Variants in PARD3 observed in about 807,000 individuals in gnomAD.
PARD3 encodes par-3 family cell polarity regulator.
PARD3 carries 75 observed loss-of-function variants against 155.4 expected under a neutral mutation model. The ratio of observed to expected loss-of-function variants is 0.48; its 90% CI spans 0.40 to 0.58. The LOEUF is 0.58. Ranked by LOEUF, PARD3 falls within the 20% of genes least tolerant of loss-of-function variation. PARD3 has a pLI of 0.00. For synonymous variants in PARD3, 576 were observed against 610.5 expected (o/e 0.94, Z 0.83); for missense variants, 1,642 against 1,721.7 (o/e 0.95, Z 0.82).
chr10:34,669,955 A>T (rs1393668673), intron 2 of PARD3, among the ~76,000 whole-genome samples: 1 of 152,226 alleles, frequency 6.6e-6, no homozygotes, highest in Non-Finnish European at 1.5e-5. Context: ...TGTCTAAAAG[A>T]TTTATAGTGA....
At chr10:34,341,920 C>A in intron 15 of PARD3, 104 bp from the exon 16 acceptor site, 1 of 654,460 alleles carries the variant, frequency 1.5e-6, no homozygotes, top group Non-Finnish European at 2.6e-6. Flanking sequence ...TAATTTTCCA[C>A]ATATCTGCTC....
chr10:34,487,654 T>TA (rs1253314440), intron 3 of PARD3, among the ~76,000 whole-genome samples: 258 of 151,540 alleles, frequency 1.7e-3, no homozygotes, highest in African/African-American at 5.6e-3. Flanking sequence ...TTTTTTTTTT[T>TA]AACTATTAAT....
At chr10:34,709,622 G>A (rs1273262526) in intron 1 of PARD3, among the ~76,000 whole-genome samples, 1 of 152,024 alleles carries the variant, frequency 6.6e-6, no homozygotes, top group East Asian at 1.9e-4. Flanking sequence ...GAGGGGATAA[G>A]GGGAGGTAGC....
chr10:34,699,434 C>T (rs916845914), intron 1 of PARD3, among the ~76,000 whole-genome samples: 6 of 152,150 alleles, frequency 3.9e-5, no homozygotes, highest in Non-Finnish European at 7.3e-5. Context: ...AAATACAACT[C>T]CGTAGAACAG....
intron 4 of PARD3, among the ~76,000 whole-genome samples, chr10:34,459,263 T>A (rs1263955400): frequency 2.0e-5 from 3 of 152,000 alleles, no homozygotes; most frequent in Non-Finnish European, 4.4e-5. Context: ...GCATCCCGGG[T>A]TCACGCCATC....
At position 34,315,530 on chromosome 10, in the gene PARD3, G is replaced by C. The variant is rs948931066; in HGVS notation, c.3065+1577C>G. The stretch of plus-strand genomic sequence containing the variant: ...GAGAGAGTGGGCTACAAGTCTCAGG[G>C]GAAGGTTTCTCCCATCTCTAACCCT... On this transcript the variant is annotated intron_variant, in intron 20 of 24. Transcript: ENST00000374788. Among the ~76,000 whole-genome samples, 207 of 152,122 alleles carry C rather than the reference G, an allele frequency of 1.4e-3. 3 individuals are homozygous for C. Among genetic ancestry groups the C allele is most frequent in the Non-Finnish European group, 3.5e-4 (24 of 68,032 alleles).
intron 5 of PARD3, among the ~76,000 whole-genome samples, chr10:34,415,787 A>G (rs564594591): frequency 1.5e-4 from 23 of 152,316 alleles, no homozygotes; most frequent in Admixed American, 1.4e-3. Context: ...AGTGGTCCTG[A>G]ACATAGAATT....
chr10:34,157,494 C>T (rs1216735370), intron 22 of PARD3, among the ~76,000 whole-genome samples: 1 of 152,166 alleles, frequency 6.6e-6, no homozygotes. Context: ...GCACCTTTTT[C>T]TCCATTTTTT....
chr10:34,689,737 TTAC>T (rs1022721014), intron 2 of PARD3, among the ~76,000 whole-genome samples: 25 of 152,322 alleles, frequency 1.6e-4, no homozygotes, highest in African/African-American at 5.8e-4. Flanking sequence ...AAAACGTCGT[TTAC>T]TAAGAATTGT....
intron 3 of PARD3, among the ~76,000 whole-genome samples, chr10:34,473,550 A>T (rs1052700427): frequency 2.6e-5 from 4 of 152,100 alleles, no homozygotes; most frequent in African/African-American, 9.7e-5. Context: ...AAAAATAGAC[A>T]ACTGTGGTAG....
intron 5 of PARD3, among the ~76,000 whole-genome samples, chr10:34,433,398 T>G (rs1246887312): frequency 6.6e-6 from 1 of 152,360 alleles, no homozygotes; most frequent in African/African-American, 2.4e-5. Context: ...CATTATTTTA[T>G]TTGAATCAAG....
intron 15 of PARD3, chr10:34,344,258 T>G (rs1837141058): frequency 8.2e-6 from 8 of 976,154 alleles, no homozygotes; most frequent in East Asian, 1.1e-4. Flanking sequence ...TTGCTGGTTT[T>G]TTTGTTTGTT....
intron 22 of PARD3, among the ~76,000 whole-genome samples, chr10:34,248,193 T>A (rs371762958): frequency 7.2e-5 from 11 of 152,312 alleles, no homozygotes; most frequent in Non-Finnish European, 1.3e-4. Context: ...CTTTCATGGT[T>A]CACTGGCAGA....
chr10:34,617,259 A>AAAAT (rs1240102437), intron 2 of PARD3, among the ~76,000 whole-genome samples: 3 of 152,004 alleles, frequency 2.0e-5, no homozygotes, highest in Admixed American at 6.6e-5. Flanking sequence ...TCTGTCTCAA[A>AAAAT]AAATAAATAA....
intron 2 of PARD3, among the ~76,000 whole-genome samples, chr10:34,641,160 T>C (rs1215636361): frequency 6.6e-6 from 1 of 152,190 alleles, no homozygotes; most frequent in East Asian, 1.9e-4. Flanking sequence ...TACAGCTTTC[T>C]ATGATGTGAC....
chr10:34,396,966 C>G (rs1452544166), intron 7 of PARD3, among the ~76,000 whole-genome samples: 3 of 152,160 alleles, frequency 2.0e-5, no homozygotes, highest in Non-Finnish European at 4.4e-5. Flanking sequence ...CACAGAGCAC[C>G]TATTATATAA....
At chr10:34,190,187 G>A (rs1950646282) in intron 22 of PARD3, among the ~76,000 whole-genome samples, 1 of 152,192 alleles carries the variant, frequency 6.6e-6, no homozygotes, top group Non-Finnish European at 1.5e-5. Flanking sequence ...ACTACCACTT[G>A]TCAAGTTTTG....
In PARD3 at chr10:34,416,086, C is replaced by T. The variant is rs546435430; in HGVS notation, c.715-14169G>A. ...ATCTCCTGTCTGTGCTATCAATCCA[C>T]GAAGTCTACGTGTATGTAGGTCTAC... On this transcript the variant is annotated intron_variant, in intron 5 of 24. Transcript: ENST00000374788. Among the ~76,000 whole-genome samples the T allele has an allele frequency of 7.4e-4, 113 of 152,220 alleles. 1 individual carries two copies. Among genetic ancestry groups the T allele is most frequent in the African/African-American group, 2.5e-3 (103 of 41,538 alleles).
At chr10:34,218,960 T>C (rs1012989829) in intron 22 of PARD3, among the ~76,000 whole-genome samples, 8 of 152,124 alleles carry the variant, frequency 5.3e-5, no homozygotes, top group African/African-American at 1.7e-4. Flanking sequence ...ACCGAATAAA[T>C]AGTTCAAATC....
Sources: gnomAD v4.1 joint callset for allele counts (sites outside exome capture counted in the v4.1 genomes callset) on GRCh38, gnomAD v4.1.1 for gene constraint, MANE v1.5 for transcripts, NCBI Gene and HGNC (gene_info 2026-07-23, HGNC 2026-07-21) for gene names.